OLA1: variants seen among roughly 807,000 people sequenced by gnomAD.
The protein encoded by OLA1 is Obg like ATPase 1, also known as obg-like ATPase 1.
OLA1 carries 14 observed loss-of-function variants against 48.4 expected under a neutral mutation model. The observed-to-expected ratio is 0.29, with a 90% CI of 0.19 to 0.45. The LOEUF is 0.45. Ranked by LOEUF, OLA1 falls within the 20% of genes least tolerant of loss-of-function variation. The probability of loss-of-function intolerance (pLI) is 1.00; values close to 1 mark genes in which losing one functional copy is unlikely to be tolerated. For missense variants in OLA1, 325 were observed against 467.1 expected, an observed-to-expected ratio of 0.70 and a Z score of 2.80; for synonymous variants, 127 against 150.4, an observed-to-expected ratio of 0.84 and a Z score of 1.14.
intron 5 of OLA1, among the ~76,000 whole-genome samples, chr2:174,130,817 A>G (rs977379874): frequency 6.6e-6 from 1 of 151,918 alleles, no homozygotes; most frequent in Admixed American, 6.6e-5. Context: ...TAGAATGCAA[A>G]AAGATAAGAG....
rs1056215007 is a variant in OLA1 at position 174,129,591 on chromosome 2, C to A, written c.550-5916G>T. ...AAATAGACATACTCAAATAATGAAACTGGTTAGATAACACACTAAATAATT... is the reference window on the plus strand; with the variant it reads ...AAATAGACATACTCAAATAATGAAAATGGTTAGATAACACACTAAATAATT... On this transcript the variant is annotated intron_variant, in intron 5 of 10. Coordinates refer to ENST00000284719, the MANE Select transcript of OLA1 (RefSeq NM_013341.5). 7.9e-5 allele frequency among the ~76,000 whole-genome samples: 12 copies of A among 151,626 alleles called. No individual in the cohort carries two copies. In the East Asian group the frequency reaches 2.3e-3, roughly 29 times the overall value.
intron 2 of OLA1, among the ~76,000 whole-genome samples, chr2:174,237,756 AAAAC>A (rs1427054699): frequency 6.6e-5 from 10 of 152,308 alleles, no homozygotes; most frequent in Middle Eastern, 3.4e-3. Flanking sequence ...TCTGTCTCAA[AAAAC>A]AAACAAACAA....
At chr2:174,160,646 C>T (rs1448932128) in intron 4 of OLA1, among the ~76,000 whole-genome samples, 1 of 152,146 alleles carries the variant, frequency 6.6e-6, no homozygotes, top group Admixed American at 6.5e-5. Context: ...CTTGACTTCT[C>T]GAGACAGCAT....
chr2:174,105,816 C>T (rs1379353262), intron 7 of OLA1, among the ~76,000 whole-genome samples: 2 of 151,902 alleles, frequency 1.3e-5, no homozygotes, highest in Non-Finnish European at 2.9e-5. Flanking sequence ...TTTAAAAGTA[C>T]GTTATAATAT....
chr2:174,235,798 T>C (rs960959345), intron 2 of OLA1, among the ~76,000 whole-genome samples: 2 of 152,180 alleles, frequency 1.3e-5, no homozygotes, highest in African/African-American at 4.8e-5. Flanking sequence ...GATTTGCGCA[T>C]GAGTAAATTC....
intron 4 of OLA1, among the ~76,000 whole-genome samples, chr2:174,173,992 T>G (rs1317843220): frequency 6.9e-6 from 1 of 145,312 alleles, no homozygotes; most frequent in African/African-American, 2.5e-5. Flanking sequence ...AAATTGAATC[T>G]GAAATAAAAA....
At chr2:174,078,743 A>C (rs1684800905) in intron 10 of OLA1, among the ~76,000 whole-genome samples, 1 of 151,888 alleles carries the variant, frequency 6.6e-6, no homozygotes, top group South Asian at 2.1e-4. Context: ...ATAGAAAAAA[A>C]CCTCCACAAA....
At chr2:174,098,910 T>C (rs1282280551) in intron 7 of OLA1, among the ~76,000 whole-genome samples, 1 of 152,208 alleles carries the variant, frequency 6.6e-6, no homozygotes, top group Non-Finnish European at 1.5e-5. Flanking sequence ...TAATCAGTTT[T>C]ATCTGAGAAG....
In OLA1 at chr2:174,239,255, G is replaced by A. The variant is rs1282525554; in HGVS notation, c.101+7460C>T. 2.6e-5 allele frequency among the ~76,000 whole-genome samples: 4 copies of A among 152,012 alleles called. No homozygotes were observed. In the East Asian group the frequency reaches 7.7e-4, roughly 29 times the overall value. Reference sequence around the variant, plus strand: ...ACAATATATGTACAAAATTTCAAAGGACCCCCTACAAGATGCTTATTAATT... The same window carrying A: ...ACAATATATGTACAAAATTTCAAAGAACCCCCTACAAGATGCTTATTAATT... On this transcript the variant is annotated intron_variant, in intron 2 of 10. Transcript: ENST00000284719.
At chr2:174,222,026 T>A (rs1047905986) in intron 4 of OLA1, among the ~76,000 whole-genome samples, 4 of 152,172 alleles carry the variant, frequency 2.6e-5, no homozygotes, top group African/African-American at 9.7e-5. Flanking sequence ...TTGTCTGTCA[T>A]GGGGTTTTGT....
At chr2:174,197,927 A>T (rs1687914568) in intron 4 of OLA1, among the ~76,000 whole-genome samples, 1 of 152,230 alleles carries the variant, frequency 6.6e-6, no homozygotes, top group South Asian at 2.1e-4. Flanking sequence ...TTTTCAAATG[A>T]TCACGTAGCT....
intron 7 of OLA1, among the ~76,000 whole-genome samples, chr2:174,083,073 C>T (rs1684893188): frequency 6.6e-6 from 1 of 152,104 alleles, no homozygotes; most frequent in South Asian, 2.1e-4. Context: ...CTCAGATAAT[C>T]ATAGCATACA....
At chr2:174,136,233 T>C (rs1390063003) in intron 5 of OLA1, among the ~76,000 whole-genome samples, 1 of 152,118 alleles carries the variant, frequency 6.6e-6, no homozygotes, top group Non-Finnish European at 1.5e-5. Context: ...ACAAAAAAAT[T>C]TCCCTGTGAC....
chr2:174,220,755 T>C (rs1160546245), intron 4 of OLA1, among the ~76,000 whole-genome samples: 20 of 152,164 alleles, frequency 1.3e-4, no homozygotes, highest in Admixed American at 1.2e-3. Context: ...GTAAACAAGG[T>C]GAGGCAAAAG....
intron 7 of OLA1, among the ~76,000 whole-genome samples, chr2:174,101,856 A>G (rs1413628536): frequency 2.6e-5 from 4 of 152,230 alleles, no homozygotes; most frequent in Admixed American, 2.0e-4. Flanking sequence ...TCATATATAA[A>G]AGAAGATATG....
intron 4 of OLA1, among the ~76,000 whole-genome samples, chr2:174,192,291 A>C (rs568396111): frequency 6.6e-6 from 1 of 152,334 alleles, no homozygotes; most frequent in East Asian, 1.9e-4. Context: ...TGTGCATTAT[A>C]CTTATCAGTT....
At chr2:174,081,883 T>C (rs1684861757) in intron 8 of OLA1, 41 bp downstream of exon 8, 13 of 1,590,310 alleles carry the variant, frequency 8.2e-6, no homozygotes, top group South Asian at 1.1e-5. Context: ...TGCAAGGAAA[T>C]AGTTGATAAT....
At chr2:174,241,635 T>C (rs1435178244) in intron 2 of OLA1, among the ~76,000 whole-genome samples, 1 of 152,190 alleles carries the variant, frequency 6.6e-6, no homozygotes, top group Admixed American at 6.5e-5. Flanking sequence ...AGAGTAATCG[T>C]TTTTTGTTTT....
At chr2:174,131,673 T>A (rs553611441) in intron 5 of OLA1, among the ~76,000 whole-genome samples, 132 of 152,274 alleles carry the variant, frequency 8.7e-4, no homozygotes, top group African/African-American at 3.1e-3. Flanking sequence ...CTCACCGTAG[T>A]CTGAATTTGC....
Sources: allele counts gnomAD v4.1 joint callset (sites outside exome capture counted in the v4.1 genomes callset), GRCh38; gene constraint gnomAD v4.1.1; transcripts MANE v1.5; gene names NCBI Gene and HGNC (gene_info 2026-07-23, HGNC 2026-07-21).